The following PHLDB2 variants were observed in gnomAD, a reference collection of about 807,000 sequenced individuals.
The protein encoded by PHLDB2 is pleckstrin homology like domain family B member 2, also known as pleckstrin homology-like domain family B member 2.
In PHLDB2, 71 loss-of-function variants were observed where a neutral mutation model predicts 123.6. The ratio of observed to expected loss-of-function variants is 0.57; its 90% confidence interval spans 0.47 to 0.70. The LOEUF is 0.70. Ranked by LOEUF, PHLDB2 falls within the 30% of genes least tolerant of loss-of-function variation. The pLI is 0.00. For synonymous variants in PHLDB2, 547 were observed against 541.6 expected (o/e 1.01, Z -0.14); for missense variants, 1,446 against 1,519.5 (o/e 0.95, Z 0.80).
At chr3:111,877,875 G>T (rs2065716507) in intron 1 of PHLDB2, among the ~76,000 whole-genome samples, 1 of 146,170 alleles carries the variant, frequency 6.8e-6, no homozygotes, top group Non-Finnish European at 1.5e-5. Flanking sequence ...TCAGATGGTT[G>T]TAGATGGGTG....
At chr3:111,766,334 TCAGGAGGCTGAGG>T (rs1286994295) in intron 1 of PHLDB2, among the ~76,000 whole-genome samples, 1 of 151,314 alleles carries the variant, frequency 6.6e-6, no homozygotes, top group Non-Finnish European at 1.5e-5. Flanking sequence ...TCCCAGCTAC[TCAGGAGGCTGAGG>T]CAGAAAAATC....
intron 2 of PHLDB2, among the ~76,000 whole-genome samples, chr3:111,897,332 A>G (rs113581874): frequency 7.6e-4 from 115 of 152,308 alleles, no homozygotes; most frequent in African/African-American, 2.7e-3. Flanking sequence ...TTGGGTCCCC[A>G]GTCTGCCTTT....
rs531255668 is a variant in PHLDB2 at position 111,873,310 on chromosome 3, G to A, written c.-14-10754G>A. Among the ~76,000 whole-genome samples the A allele has an allele frequency of 2.0e-5, 3 of 150,922 alleles. No individual in the cohort carries two copies. The South Asian group carries it at 6.4e-4, about 32-fold the overall frequency. On this transcript the variant is annotated intron_variant, in intron 1 of 17. Coordinates refer to ENST00000431670, the MANE Select transcript of PHLDB2 (RefSeq NM_001134438.2). ...TGTATATTTGAGAGGAGGAAAAGTG[G>A]TGGCACTTCCTGGGGTAGTAGGGAA...
chr3:111,819,632 G>A (rs1025196010), intron 1 of PHLDB2, among the ~76,000 whole-genome samples: 3 of 152,164 alleles, frequency 2.0e-5, no homozygotes, highest in Non-Finnish European at 4.4e-5. Context: ...AAAAACCAAA[G>A]TGGGTGTCCT....
At chr3:111,753,334 T>G (rs1397933506) in intron 1 of PHLDB2, among the ~76,000 whole-genome samples, 5 of 150,178 alleles carry the variant, frequency 3.3e-5, no homozygotes, top group South Asian at 2.1e-4. Context: ...TTTTAATGAT[T>G]GCCATTCTAA....
intron 14 of PHLDB2, among the ~76,000 whole-genome samples, chr3:111,967,250 C>G (rs916803030): frequency 6.6e-6 from 1 of 152,174 alleles, no homozygotes; most frequent in Non-Finnish European, 1.5e-5. Flanking sequence ...GACCTTCAGC[C>G]AGGAAACTAC....
intron 1 of PHLDB2, among the ~76,000 whole-genome samples, chr3:111,805,856 AAAAAG>A (rs997595645): frequency 3.4e-5 from 5 of 148,736 alleles, no homozygotes; most frequent in African/African-American, 1.0e-4. Context: ...CAAAAAAAAA[AAAAAG>A]AAGAAGAAAA....
At chr3:111,764,257 T>A (rs529128411) in intron 1 of PHLDB2, among the ~76,000 whole-genome samples, 1 of 152,370 alleles carries the variant, frequency 6.6e-6, no homozygotes, top group South Asian at 2.1e-4. Flanking sequence ...AGTTATTGTG[T>A]GGCAAACTGG....
chr3:111,820,119 C>T (rs557394582), intron 1 of PHLDB2, among the ~76,000 whole-genome samples: 5 of 152,174 alleles, frequency 3.3e-5, no homozygotes, highest in Non-Finnish European at 5.9e-5. Flanking sequence ...CATATTCTTC[C>T]GCCCCTAACT....
chr3:111,906,830 C>T (rs146999910), intron 2 of PHLDB2, among the ~76,000 whole-genome samples: 118 of 152,292 alleles, frequency 7.7e-4, no homozygotes, highest in Middle Eastern at 6.8e-3. Context: ...AGGCATTACA[C>T]TTTTGTTTCC....
intron 1 of PHLDB2, among the ~76,000 whole-genome samples, chr3:111,802,727 G>A (rs1019997131): frequency 2.6e-5 from 4 of 152,190 alleles, no homozygotes; most frequent in Admixed American, 6.5e-5. Flanking sequence ...AGTGAGGCAA[G>A]CATCATGCAT....
rs1553747095 is a variant in PHLDB2, at chr3:111,898,182, T to TGTTTGTGTGTG, written c.1335+12770_1335+12771insGTTTGTGTGTG. The stretch of plus-strand genomic sequence containing the variant: ...TTTCTTTGTGTGTGTGTGTGTGTGT[T>TGTTTGTGTGTG]TGTGTGTGTGTGTGTGTGTGTGTGT... On this transcript the variant is annotated intron_variant, in intron 2 of 17. Coordinates refer to ENST00000431670, the MANE Select transcript of PHLDB2 (RefSeq NM_001134438.2). Among the ~76,000 whole-genome samples the TGTTTGTGTGTG allele has an allele frequency of 1.7e-4, 24 of 142,552 alleles. 1 individual carries two copies. In the East Asian group the frequency reaches 4.1e-3, roughly 24 times the overall value. 93.5% of individuals were successfully genotyped at this position (142,552 alleles called of 152,430 possible).
chr3:111,842,094 AG>A (rs1244035292), intron 1 of PHLDB2, among the ~76,000 whole-genome samples: 1 of 152,184 alleles, frequency 6.6e-6, no homozygotes, highest in Non-Finnish European at 1.5e-5. Flanking sequence ...AGTACCTTAT[AG>A]GGTTATAGTG....
At chr3:111,923,544 G>A (rs1471304160) in intron 5 of PHLDB2, among the ~76,000 whole-genome samples, 1 of 152,072 alleles carries the variant, frequency 6.6e-6, no homozygotes, top group Non-Finnish European at 1.5e-5. Context: ...CATATCCTGT[G>A]CCTACCTGAC....
chr3:111,933,476 C>A (rs917431899), intron 6 of PHLDB2, among the ~76,000 whole-genome samples: 1 of 152,188 alleles, frequency 6.6e-6, no homozygotes, highest in African/African-American at 2.4e-5. Context: ...CAATGTATTG[C>A]AGAAGTTGAG....
At chr3:111,916,563 C>T (rs1049299220) in intron 3 of PHLDB2, 2 of 152,148 alleles carry the variant, frequency 1.3e-5, no homozygotes, top group Non-Finnish European at 2.9e-5. Context: ...ACAGAACAAT[C>T]TTAATGATAT....
intron 1 of PHLDB2, among the ~76,000 whole-genome samples, chr3:111,870,626 C>T (rs541599050): frequency 6.6e-6 from 1 of 152,018 alleles, no homozygotes; most frequent in Non-Finnish European, 1.5e-5. Context: ...TCAGGTTGAA[C>T]TAGATTTTTT....
chr3:111,875,476 A>G (rs2065566492), intron 1 of PHLDB2, among the ~76,000 whole-genome samples: 1 of 151,862 alleles, frequency 6.6e-6, no homozygotes, highest in South Asian at 2.1e-4. Flanking sequence ...TTTTTTGGAA[A>G]AGTTAATATC....
intron 10 of PHLDB2, among the ~76,000 whole-genome samples, chr3:111,950,424 A>G (rs1577171238): frequency 1.3e-5 from 2 of 152,148 alleles, no homozygotes; most frequent in East Asian, 1.9e-4. Context: ...TTATCTCCAT[A>G]TTAAAGTTTT....
Sources: allele counts gnomAD v4.1 joint callset (sites outside exome capture counted in the v4.1 genomes callset), GRCh38; gene constraint gnomAD v4.1.1; transcripts MANE v1.5; gene names NCBI Gene and HGNC (gene_info 2026-07-23, HGNC 2026-07-21).